The following CACNA1E variants were observed in gnomAD, a reference collection of about 807,000 sequenced individuals.
CACNA1E encodes the protein calcium voltage-gated channel subunit alpha1 E.
In CACNA1E, 40 loss-of-function variants were observed where a neutral mutation model predicts 259.2. The observed-to-expected ratio is 0.15, with a 90% CI of 0.12 to 0.20. The LOEUF (loss-of-function observed/expected upper bound fraction) is 0.20. Ranked by LOEUF, CACNA1E falls within the 10% of genes least tolerant of loss-of-function variation. CACNA1E has a pLI of 1.00. For missense variants in CACNA1E, 1,874 were observed against 3,040.1 expected (o/e 0.62, Z 9.02); for synonymous variants, 1,104 against 1,138.5 (o/e 0.97, Z 0.61).
At chr1:181,656,075 T>C (rs376536494) in intron 7 of CACNA1E, among the ~76,000 whole-genome samples, 2 of 152,248 alleles carry the variant, frequency 1.3e-5, no homozygotes. Flanking sequence ...GTAGAACATA[T>C]ACAATTATGT....
intron 3 of CACNA1E, among the ~76,000 whole-genome samples, chr1:181,566,649 A>T (rs1379498129): frequency 6.6e-6 from 1 of 152,222 alleles, no homozygotes; most frequent in Non-Finnish European, 1.5e-5. Flanking sequence ...AGACACGTTC[A>T]GGCCAAGCTT....
At chr1:181,761,310 C>A (rs1658558971) in intron 32 of CACNA1E, among the ~76,000 whole-genome samples, 1 of 152,152 alleles carries the variant, frequency 6.6e-6, no homozygotes, top group Admixed American at 6.5e-5. Flanking sequence ...TGGGTATTTT[C>A]CCCCAACTCC....
At chr1:181,421,430 G>C (rs1437612638) in intron 2 of CACNA1E, among the ~76,000 whole-genome samples, 1 of 152,106 alleles carries the variant, frequency 6.6e-6, no homozygotes, top group Non-Finnish European at 1.5e-5. Flanking sequence ...CAGCCTCCCT[G>C]GGTGACCTCA....
chr1:181,772,616 TAAGTAC>T (rs748679698), intron 37 of CACNA1E, among the ~76,000 whole-genome samples: 51 of 152,372 alleles, frequency 3.3e-4, no homozygotes, highest in Admixed American at 2.4e-3. Flanking sequence ...TTTTATCTTA[TAAGTAC>T]GTCTATGGAT....
Position 181,795,581 on chromosome 1 carries a change from C to T in CACNA1E, c.6208+537C>T, listed in dbSNP as rs1430163300. ...TCAGCCTCCTGAATAGCTGGGACTACAGGCGCCCGCCACCGTGCCCGGCTA... is the reference window on the plus strand; with the variant it reads ...TCAGCCTCCTGAATAGCTGGGACTATAGGCGCCCGCCACCGTGCCCGGCTA... On this transcript the variant is annotated intron_variant, in intron 46 of 47. Transcript: ENST00000367573. 3.3e-5 allele frequency among the ~76,000 whole-genome samples: 5 copies of T among 151,728 alleles called. No homozygotes were observed. In the East Asian group the frequency reaches 5.8e-4, roughly 18 times the overall value.
chr1:181,529,378 G>A (rs984879219), intron 3 of CACNA1E, among the ~76,000 whole-genome samples: 1 of 152,242 alleles, frequency 6.6e-6, no homozygotes, highest in Non-Finnish European at 1.5e-5. Flanking sequence ...ACCTCTGCTA[G>A]GGCAGTGTGG....
In CACNA1E at chr1:181,796,754, C is replaced by T. The variant is rs772102201; in HGVS notation, c.6295C>T (p.Arg2099Cys). ...GCATCTTCTCTCTCCTGATGTCTCCCGCTGCAATTCAGAAGAGCGAGGGAC... is the reference window on the plus strand; with the variant it reads ...GCATCTTCTCTCTCCTGATGTCTCCTGCTGCAATTCAGAAGAGCGAGGGAC... ...RKHLLSPDVS[R>C]CNSEERGTQA... The change falls in exon 47 of 48, where the codon CGC becomes TGC. Residue 2099 changes from arginine to cysteine, a missense_variant. By Grantham distance (180) the Arg-to-Cys change is radical. Coordinates refer to ENST00000367573, the MANE Select transcript of CACNA1E (RefSeq NM_001205293.3). The T allele has an allele frequency of 1.9e-6, 3 of 1,613,186 alleles. No individual in the cohort carries two copies. Among genetic ancestry groups the T allele is most frequent in the Non-Finnish European group, 2.5e-6 (3 of 1,179,548 alleles).
intron 1 of CACNA1E, among the ~76,000 whole-genome samples, chr1:181,408,570 T>G (rs1384768542): frequency 6.6e-6 from 1 of 152,008 alleles, no homozygotes. Flanking sequence ...GCAGGGTGCT[T>G]GTGTGGGGGT....
At chr1:181,348,755 G>A (rs1652809014) in intron 1 of CACNA1E, among the ~76,000 whole-genome samples, 1 of 152,198 alleles carries the variant, frequency 6.6e-6, no homozygotes, top group Non-Finnish European at 1.5e-5. Flanking sequence ...TCTGCTTTCA[G>A]CTGCTCTACT....
chr1:181,741,003 TA>T (rs1228628877), intron 25 of CACNA1E, among the ~76,000 whole-genome samples: 1 of 152,226 alleles, frequency 6.6e-6, no homozygotes, highest in Non-Finnish European at 1.5e-5. Flanking sequence ...CCTTTTTTGT[TA>T]GAGATAAATA....
chr1:181,780,158 GGAA>G (rs1475146764), intron 38 of CACNA1E, among the ~76,000 whole-genome samples: 2 of 152,162 alleles, frequency 1.3e-5, no homozygotes, highest in African/African-American at 2.4e-5. Flanking sequence ...GGTGCTGTGT[GGAA>G]GAAGGTAGTA....
At chr1:181,468,832 C>T (rs1662316146) in intron 2 of CACNA1E, among the ~76,000 whole-genome samples, 2 of 151,988 alleles carry the variant, frequency 1.3e-5, no homozygotes, top group Non-Finnish European at 2.9e-5. Flanking sequence ...TGGAGGAGGT[C>T]AATTACAAGG....
intron 1 of CACNA1E, among the ~76,000 whole-genome samples, chr1:181,374,323 C>T (rs531569108): frequency 6.6e-6 from 1 of 151,310 alleles, no homozygotes; most frequent in East Asian, 1.9e-4. Flanking sequence ...TGAGAGATGT[C>T]CTTAATACTG....
In CACNA1E at chr1:181,709,187, C is replaced by A. The variant is rs182673232; in HGVS notation, c.1056-1767C>A. Reference sequence around the variant, plus strand: ...ATGGTGATGTCATGAACCAAGCCAGCCCCTTGTTACTTTCAAATTTCTGAA... The same window carrying A: ...ATGGTGATGTCATGAACCAAGCCAGACCCTTGTTACTTTCAAATTTCTGAA... On this transcript the variant is annotated intron_variant, in intron 7 of 47. Transcript: ENST00000367573. 3.1e-4 allele frequency among the ~76,000 whole-genome samples: 47 copies of A among 152,292 alleles called. No homozygotes were observed. In the East Asian group the frequency reaches 8.7e-3, roughly 28 times the overall value.
chr1:181,430,514 C>A (rs1210629307), intron 2 of CACNA1E, among the ~76,000 whole-genome samples: 1 of 152,184 alleles, frequency 6.6e-6, no homozygotes, highest in Non-Finnish European at 1.5e-5. Flanking sequence ...GTAGGTCCCC[C>A]ACCTCCCTGT....
chr1:181,514,747 G>A (rs1324917261), intron 3 of CACNA1E, among the ~76,000 whole-genome samples: 2 of 152,146 alleles, frequency 1.3e-5, no homozygotes, highest in East Asian at 3.9e-4. Context: ...TCAGTCAGCT[G>A]GCTCAGTGTA....
chr1:181,691,489 G>A (rs1651153692), intron 7 of CACNA1E, among the ~76,000 whole-genome samples: 1 of 152,032 alleles, frequency 6.6e-6, no homozygotes, highest in Non-Finnish European at 1.5e-5. Context: ...TATGAATAAT[G>A]TTGTGCCAGT....
chr1:181,343,262 C>A (rs1259928918), intron 1 of CACNA1E, among the ~76,000 whole-genome samples: 3 of 152,082 alleles, frequency 2.0e-5, no homozygotes, highest in Admixed American at 6.5e-5. Flanking sequence ...TGGATGGTAT[C>A]CCCTCCAAAT....
rs1558354338 is a variant in CACNA1E at position 181,758,311 on chromosome 1, A to G, written c.4494+200A>G. Among the ~76,000 whole-genome samples the G allele has an allele frequency of 2.0e-5, 3 of 152,180 alleles. No homozygotes were observed. On this transcript the variant is annotated intron_variant, in intron 31 of 47. Coordinates refer to ENST00000367573, the MANE Select transcript of CACNA1E (RefSeq NM_001205293.3). The surrounding 1 kb of genome is among the most constrained non-coding windows in gnomAD (Gnocchi z 4.2). Reference sequence around the variant, plus strand: ...CACTGAGCAAAATGCAGTGCAGACTATAGTAGCCATCCAGGGGCTCCCAAG... The same window carrying G: ...CACTGAGCAAAATGCAGTGCAGACTGTAGTAGCCATCCAGGGGCTCCCAAG...
Sources: allele counts gnomAD v4.1 joint callset (sites outside exome capture counted in the v4.1 genomes callset), GRCh38; gene constraint gnomAD v4.1.1; non-coding constraint Gnocchi (gnomAD v3.1); transcripts MANE v1.5; gene names NCBI Gene and HGNC (gene_info 2026-07-23, HGNC 2026-07-21).